Variants in CFAP44 observed in about 807,000 individuals in gnomAD.
The protein encoded by CFAP44 is cilia- and flagella-associated protein 44.
Under a neutral mutation model 216.2 loss-of-function variants are expected in CFAP44, and 134 were observed. The ratio of observed to expected loss-of-function variants is 0.62; its 90% CI spans 0.54 to 0.72. The LOEUF (loss-of-function observed/expected upper bound fraction) is 0.72. Ranked by LOEUF, CFAP44 falls within the 30% of genes least tolerant of loss-of-function variation. The pLI is 0.00. For synonymous variants in CFAP44, 700 were observed against 727.6 expected (o/e 0.96, Z 0.61); for missense variants, 2,035 against 2,182.1 (o/e 0.93, Z 1.34).
At chr3:113,317,781 G>A (rs1296225385) in intron 28 of CFAP44, among the ~76,000 whole-genome samples, 2 of 152,218 alleles carry the variant, frequency 1.3e-5, no homozygotes, top group Non-Finnish European at 2.9e-5. Flanking sequence ...TTCTTCCTTT[G>A]CAGGGCCAGT....
intron 1 of CFAP44, among the ~76,000 whole-genome samples, chr3:113,438,988 A>T (rs542600677): frequency 6.6e-6 from 1 of 152,372 alleles, no homozygotes; most frequent in South Asian, 2.1e-4. Flanking sequence ...ACTTTCCAGA[A>T]GAGCGGAACT....
At chr3:113,400,497 TAAAAC>T in intron 12 of CFAP44, 43 bp downstream of exon 12, 2 of 1,465,490 alleles carry the variant, frequency 1.4e-6, no homozygotes, top group South Asian at 1.4e-5. Context: ...TTATTGCAAA[TAAAAC>T]AAAACAAGGC....
At chr3:113,373,386 T>A (rs746317674) in intron 18 of CFAP44, 25 bp downstream of exon 18, 11 of 1,515,668 alleles carry the variant, frequency 7.3e-6, no homozygotes, top group Non-Finnish European at 9.8e-6. Context: ...ATGGTTTTTT[T>A]AAAGCTTTTT....
chr3:113,343,004 A>AT (rs1950347829), intron 23 of CFAP44, among the ~76,000 whole-genome samples: 1 of 148,750 alleles, frequency 6.7e-6, no homozygotes, highest in African/African-American at 2.5e-5. Context: ...AAATAAATAA[A>AT]AAATTAAAAA....
At position 113,306,208 on chromosome 3, in the gene CFAP44, G is replaced by C. The variant is rs1314304947; in HGVS notation, c.4751C>G (p.Ser1584Ter). The change falls in exon 30 of 35, where the codon TCA becomes TGA. Residue 1584 changes from serine to a stop codon, truncating the protein, a stop_gained. Transcript: ENST00000393845. LOFTEE classifies it high-confidence loss of function. ...DNLKKEYDTL[S>*]KKVKIVATNL... ...GTAAACAGATCACCATACTTTTTTT[G>C]ACAATGTATCATATTCCTTTTTGAG... 6.5e-7 allele frequency: 1 copy of C among 1,532,454 alleles called. No homozygotes were observed. The highest frequency in any genetic ancestry group is 8.7e-7 in the Non-Finnish European group (1 of 1,145,438). The allele number at this position is 1,532,454 out of a possible 1,614,324, so 94.9% of individuals were successfully genotyped here.
rs761027247 is a variant in CFAP44 at position 113,291,677 on chromosome 3, G to C, written c.5445C>G (p.Leu1815=). Residue 1815 remains leucine (L), a synonymous_variant, in exon 35 of 35, where the codon CTC becomes CTG. Transcript: ENST00000393845. Reference sequence around the variant, plus strand: ...TTAAGGCCGAAATCCTTTCCGCCTGGAGTTGGATCAATTCAGTGACCTCCT... The same window carrying C: ...TTAAGGCCGAAATCCTTTCCGCCTGCAGTTGGATCAATTCAGTGACCTCCT... ...AREEVTELIQ[L]QAERISALKE... The C allele has an allele frequency of 1.4e-5, 21 of 1,537,168 alleles. No individual in the cohort carries two copies. The African/African-American group carries it at 2.3e-4, about 17-fold the overall frequency.
chr3:113,370,010 C>A (rs553406616), intron 18 of CFAP44, among the ~76,000 whole-genome samples: 1 of 152,266 alleles, frequency 6.6e-6, no homozygotes, highest in East Asian at 1.9e-4. Flanking sequence ...GACACATACA[C>A]CCTCCCAAGA....
intron 24 of CFAP44, among the ~76,000 whole-genome samples, chr3:113,339,424 G>A (rs375398979): frequency 6.6e-6 from 1 of 152,296 alleles, no homozygotes; most frequent in African/African-American, 2.4e-5. Context: ...TTATCCCTGA[G>A]CTGGCCATAG....
intron 22 of CFAP44, among the ~76,000 whole-genome samples, chr3:113,348,434 G>T (rs1406180503): frequency 6.6e-6 from 1 of 152,124 alleles, no homozygotes; most frequent in African/African-American, 2.4e-5. Flanking sequence ...ATACTATCCT[G>T]CAGCTTGACC....
intron 9 of CFAP44, among the ~76,000 whole-genome samples, 162 bp from the exon 10 acceptor site, chr3:113,401,901 C>G (rs374917262): frequency 6.6e-6 from 1 of 151,988 alleles, no homozygotes; most frequent in African/African-American, 2.4e-5. Context: ...AAACCTGACC[C>G]CTGAAATTTT....
At chr3:113,353,914 A>C (rs553854669) in intron 22 of CFAP44, among the ~76,000 whole-genome samples, 2 of 152,274 alleles carry the variant, frequency 1.3e-5, no homozygotes, top group Admixed American at 1.3e-4. Context: ...AACAGACAGA[A>C]TAATCCACAG....
intron 6 of CFAP44, among the ~76,000 whole-genome samples, chr3:113,411,335 A>G (rs1194064264): frequency 6.6e-6 from 1 of 152,130 alleles, no homozygotes; most frequent in Non-Finnish European, 1.5e-5. Context: ...AGGTGTAAGG[A>G]AGGGATCCAG....
intron 32 of CFAP44, among the ~76,000 whole-genome samples, chr3:113,300,712 G>C (rs1382823737): frequency 6.6e-6 from 1 of 151,830 alleles, no homozygotes. Context: ...ACATTTTATA[G>C]AATAGGAAAC....
intron 34 of CFAP44, among the ~76,000 whole-genome samples, chr3:113,293,790 A>G (rs1949854261): frequency 6.6e-6 from 1 of 152,234 alleles, no homozygotes; most frequent in Non-Finnish European, 1.5e-5. Flanking sequence ...TTTTCATGGA[A>G]TAAACAACAT....
At chr3:113,311,017 T>C (rs997285862) in intron 28 of CFAP44, among the ~76,000 whole-genome samples, 4 of 152,294 alleles carry the variant, frequency 2.6e-5, no homozygotes, top group African/African-American at 9.6e-5. Context: ...TATTTCTTTA[T>C]AGCAATGCAA....
Position 113,305,086 on chromosome 3 carries a change from G to A in CFAP44, c.4825C>T (p.Gln1609Ter). 1.3e-6 allele frequency: 2 copies of A among 1,537,288 alleles called. No homozygotes were observed. The highest frequency in any genetic ancestry group is 1.7e-6 in the Non-Finnish European group (2 of 1,146,926). Reference protein sequence around the residue: ...EALEAYQREKQQRLNELLVVI... With the variant: ...EALEAYQREK ...ACTAGCAGTTCATTCAGCCGCTGCT[G>A]CTTCTCTCGCTGATAAGCCTCCAGG... The change falls in exon 31 of 35, where the codon CAG becomes TAG. Residue 1609 changes from glutamine (Q) to a stop codon, truncating the protein, a stop_gained. Coordinates refer to ENST00000393845, the MANE Select transcript of CFAP44 (RefSeq NM_001164496.2). LOFTEE classifies it high-confidence loss of function.
chr3:113,368,892 G>A (rs1435246215), intron 18 of CFAP44, among the ~76,000 whole-genome samples: 1 of 152,248 alleles, frequency 6.6e-6, no homozygotes, highest in African/African-American at 2.4e-5. Context: ...AGGGATGGAG[G>A]AAGATCTACC....
chr3:113,323,853 C>T (rs1950166348), intron 28 of CFAP44, among the ~76,000 whole-genome samples: 1 of 151,988 alleles, frequency 6.6e-6, no homozygotes, highest in Admixed American at 6.6e-5. Flanking sequence ...ACCATCCTGG[C>T]CAACATGGTG....
At chr3:113,421,293 C>T (rs907132760) in intron 4 of CFAP44, among the ~76,000 whole-genome samples, 9 of 152,154 alleles carry the variant, frequency 5.9e-5, no homozygotes, top group Non-Finnish European at 1.3e-4. Context: ...CAATGAGATA[C>T]CATCTCACAC....
Sources: gnomAD v4.1 joint callset for allele counts (sites outside exome capture counted in the v4.1 genomes callset) on GRCh38, gnomAD v4.1.1 for gene constraint, MANE v1.5 for transcripts, NCBI Gene and HGNC (gene_info 2026-07-23, HGNC 2026-07-21) for gene names.